The following GALNT17 variants were observed in gnomAD, a reference collection of about 807,000 sequenced individuals.
GALNT17 encodes UDP-GalNAc:polypeptide N-acetylgalactosaminyltransferase-like 3.
GALNT17 carries 29 observed loss-of-function variants against 63.7 expected under a neutral mutation model. That is an observed-to-expected ratio of 0.46 (90% CI 0.34 to 0.62). GALNT17 has a LOEUF of 0.62. Ranked by LOEUF, GALNT17 falls within the 20% of genes least tolerant of loss-of-function variation. GALNT17 has a pLI of 0.01. For synonymous variants in GALNT17, 305 were observed against 318.3 expected, an observed-to-expected ratio of 0.96 and a Z score of 0.45; for missense variants, 603 against 799.6, an observed-to-expected ratio of 0.75 and a Z score of 2.97.
At chr7:71,286,385 C>T (rs1189530803) in intron 1 of GALNT17, among the ~76,000 whole-genome samples, 4 of 152,178 alleles carry the variant, frequency 2.6e-5, no homozygotes, top group Admixed American at 1.3e-4. Context: ...GAATACTTGG[C>T]CCAAATGATA....
At chr7:71,286,343 A>AT (rs996861063) in intron 1 of GALNT17, among the ~76,000 whole-genome samples, 24 of 152,096 alleles carry the variant, frequency 1.6e-4, no homozygotes, top group Non-Finnish European at 2.9e-4. Flanking sequence ...GACCTTTTAC[A>AT]TTTTTTTAAG....
rs376285148 is a variant in GALNT17, at chr7:71,421,109, T to A, written c.962+4T>A. The A allele has an allele frequency of 1.7e-5, 27 of 1,613,890 alleles. No individual in the cohort carries two copies. Among genetic ancestry groups the A allele is most frequent in the Non-Finnish European group, 2.2e-5 (26 of 1,179,980 alleles). On this transcript the variant is annotated splice_donor_region_variant and intron_variant, in intron 5 of 10. Coordinates refer to ENST00000333538, the MANE Select transcript of GALNT17 (RefSeq NM_022479.3). Reference sequence around the variant, plus strand: ...GAGACCCTTCTCTCCCCATCAGGTCTGTGGCTGGTGAGCCCTGGCGGCCAA... The same window carrying A: ...GAGACCCTTCTCTCCCCATCAGGTCAGTGGCTGGTGAGCCCTGGCGGCCAA...
intron 1 of GALNT17, among the ~76,000 whole-genome samples, chr7:71,157,006 G>T (rs1038482776): frequency 1.3e-4 from 19 of 151,118 alleles, no homozygotes; most frequent in African/African-American, 4.4e-4. Context: ...GCCCAGGCTG[G>T]AGTGCCCTGG....
chr7:71,628,923 C>CT (rs1273374811), intron 6 of GALNT17, among the ~76,000 whole-genome samples: 2 of 152,036 alleles, frequency 1.3e-5, no homozygotes, highest in African/African-American at 4.8e-5. Context: ...CAGCGAGACT[C>CT]TGTCTCAAAA....
At chr7:71,635,505 T>G (rs1435875454) in intron 6 of GALNT17, among the ~76,000 whole-genome samples, 1 of 152,210 alleles carries the variant, frequency 6.6e-6, no homozygotes, top group Non-Finnish European at 1.5e-5. Flanking sequence ...CATTTTTGTT[T>G]ACACATTATA....
intron 5 of GALNT17, among the ~76,000 whole-genome samples, chr7:71,529,857 A>G (rs1292604840): frequency 6.6e-6 from 1 of 152,230 alleles, no homozygotes; most frequent in African/African-American, 2.4e-5. Context: ...CTAATTGTTC[A>G]ATCAAGAATT....
chr7:71,442,773 A>G lies in GALNT17; in HGVS notation c.962+21668A>G, dbSNP rs181315423. 1.1e-3 allele frequency among the ~76,000 whole-genome samples: 169 copies of G among 152,312 alleles called. 3 individuals carry two copies. In the South Asian group the frequency reaches 0.02, roughly 18 times the overall value. ...AACTGTTGTGAATAACATAACTACC[A>G]GTCACGCTTGATAAAGCAGTGGCCC... On this transcript the variant is annotated intron_variant, in intron 5 of 10. Coordinates refer to ENST00000333538, the MANE Select transcript of GALNT17 (RefSeq NM_022479.3).
chr7:71,648,885 G>A (rs1401994794), intron 6 of GALNT17, among the ~76,000 whole-genome samples: 1 of 152,242 alleles, frequency 6.6e-6, no homozygotes. Context: ...TTTGAACCCA[G>A]TGCTGTGACT....
chr7:71,311,530 T>TA (rs1362533648), intron 1 of GALNT17, among the ~76,000 whole-genome samples: 2 of 152,146 alleles, frequency 1.3e-5, no homozygotes, highest in African/African-American at 2.4e-5. Flanking sequence ...GAATTTTTTT[T>TA]AAAAAAACCT....
At chr7:71,465,513 A>G (rs1787520557) in intron 5 of GALNT17, among the ~76,000 whole-genome samples, 1 of 152,176 alleles carries the variant, frequency 6.6e-6, no homozygotes, top group Non-Finnish European at 1.5e-5. Context: ...GCCAAATGTA[A>G]TTTTCTACAT....
intron 1 of GALNT17, among the ~76,000 whole-genome samples, chr7:71,213,812 C>T (rs1306374981): frequency 6.6e-6 from 1 of 152,120 alleles, no homozygotes; most frequent in Non-Finnish European, 1.5e-5. Flanking sequence ...AAATCCTGGC[C>T]ATTCCTCAAT....
chr7:71,412,410 G>C (rs1793446166), intron 3 of GALNT17, among the ~76,000 whole-genome samples: 2 of 146,342 alleles, frequency 1.4e-5, no homozygotes, highest in African/African-American at 5.1e-5. Flanking sequence ...TCGCTCTGTT[G>C]CTGAGGCTTG....
intron 7 of GALNT17, among the ~76,000 whole-genome samples, chr7:71,667,546 C>T (rs556433280): frequency 6.6e-6 from 1 of 152,102 alleles, no homozygotes; most frequent in African/African-American, 2.4e-5. Context: ...ATAGGACTCC[C>T]GTGAAGATAA....
rs1446322969 is a variant in GALNT17 at position 71,148,858 on chromosome 7, TTTTATATATA to T, written c.238+15820_238+15829del. 2.0e-3 allele frequency among the ~76,000 whole-genome samples: 184 copies of T among 91,912 alleles called. 2 individuals are homozygous for T. The highest frequency in any genetic ancestry group is 8.3e-3 in the African/African-American group (162 of 19,514). The allele number at this position is 91,912 out of a possible 152,430, so 60.3% of individuals were successfully genotyped here. On this transcript the variant is annotated intron_variant, in intron 1 of 10. Transcript: ENST00000333538. ...ATGAAATACAGTAGTATTATGGTATTTTTATATATATATATATATATATATATATATATAT... is the reference window on the plus strand; with the variant it reads ...ATGAAATACAGTAGTATTATGGTATTTATATATATATATATATATATATAT...
At chr7:71,619,620 A>G (rs999448887) in intron 6 of GALNT17, among the ~76,000 whole-genome samples, 2 of 152,070 alleles carry the variant, frequency 1.3e-5, no homozygotes, top group Non-Finnish European at 2.9e-5. Context: ...CAGAAATGCT[A>G]CTGATTTTTG....
At chr7:71,367,784 G>T (rs1167764753) in intron 2 of GALNT17, among the ~76,000 whole-genome samples, 1 of 152,196 alleles carries the variant, frequency 6.6e-6, no homozygotes, top group South Asian at 2.1e-4. Flanking sequence ...GGAAAACACC[G>T]TTTTCTGCCA....
At chr7:71,638,257 C>A (rs1790555811) in intron 6 of GALNT17, among the ~76,000 whole-genome samples, 1 of 152,206 alleles carries the variant, frequency 6.6e-6, no homozygotes, top group Non-Finnish European at 1.5e-5. Flanking sequence ...TGGCCAGCTT[C>A]TTTACCGCAA....
chr7:71,327,839 G>A (rs1241824826), intron 1 of GALNT17, among the ~76,000 whole-genome samples: 1 of 152,142 alleles, frequency 6.6e-6, no homozygotes, highest in East Asian at 1.9e-4. Flanking sequence ...AGAGAGGCAT[G>A]CCTGATAACA....
At chr7:71,422,596 G>A (rs867219532) in intron 5 of GALNT17, among the ~76,000 whole-genome samples, 8 of 152,256 alleles carry the variant, frequency 5.3e-5, no homozygotes, top group Non-Finnish European at 1.0e-4. Context: ...TCATGCAGAT[G>A]GGTAGGTTGC....
Sources: gnomAD v4.1 joint callset for allele counts (sites outside exome capture counted in the v4.1 genomes callset) on GRCh38, gnomAD v4.1.1 for gene constraint, MANE v1.5 for transcripts, NCBI Gene and HGNC (gene_info 2026-07-23, HGNC 2026-07-21) for gene names.